The following CAMK2A variants were observed in gnomAD, a reference collection of about 807,000 sequenced individuals.
CAMK2A encodes calcium/calmodulin dependent protein kinase II alpha.
A neutral mutation model predicts 79.2 loss-of-function variants in CAMK2A; 7 were observed. That is an observed-to-expected ratio of 0.09 (90% CI 0.05 to 0.17). The LOEUF is 0.17. Among genes scored for constraint, CAMK2A ranks in the 10% least tolerant of loss-of-function variants. The probability of loss-of-function intolerance (pLI) is 1.00; values close to 1 mark genes in which losing one functional copy is unlikely to be tolerated. For missense variants in CAMK2A, 214 were observed against 646.4 expected (o/e 0.33, Z 7.25); for synonymous variants, 242 against 251.7 (o/e 0.96, Z 0.36).
chr5:150,241,258 G>T (rs937938582), intron 13 of CAMK2A, among the ~76,000 whole-genome samples: 2 of 152,156 alleles, frequency 1.3e-5, no homozygotes, highest in African/African-American at 2.4e-5. Flanking sequence ...AGCTGGGCTG[G>T]ATGGTGTGGC....
At chr5:150,234,835 T>C (rs1013691970) in intron 15 of CAMK2A, among the ~76,000 whole-genome samples, 5 of 152,114 alleles carry the variant, frequency 3.3e-5, no homozygotes, top group African/African-American at 1.2e-4. Context: ...TTCACTTCCT[T>C]CTCCTTTCAA....
chr5:150,237,536 C>T (rs1280913785), intron 15 of CAMK2A, among the ~76,000 whole-genome samples: 1 of 152,036 alleles, frequency 6.6e-6, no homozygotes, highest in Admixed American at 6.6e-5. Flanking sequence ...CTCCAAGCTC[C>T]AAGGGCACTT....
rs1445429184 is a variant in CAMK2A at position 150,289,720 on chromosome 5, C to G, written c.-95G>C. 1 of 979,962 alleles carries G rather than the reference C, an allele frequency of 1.0e-6. No individual in the cohort carries two copies. Among genetic ancestry groups the G allele is most frequent in the Non-Finnish European group, 1.6e-6 (1 of 635,140 alleles). The allele number at this position is 979,962 out of a possible 1,614,324, so 60.7% of individuals were successfully genotyped here. A position where few individuals can be genotyped will look rare whatever the true frequency, so the allele number is the denominator to read the frequency against. On this transcript the variant is annotated 5_prime_UTR_variant, in exon 1 of 19. Coordinates refer to ENST00000671881, the MANE Select transcript of CAMK2A (RefSeq NM_015981.4). ...CGAACCTAGGGACCACTTGCCTGCCCGTGCTGCCGAGTGCAAACAGAGAAC... is the reference window on the plus strand; with the variant it reads ...CGAACCTAGGGACCACTTGCCTGCCGGTGCTGCCGAGTGCAAACAGAGAAC...
At chr5:150,253,603 C>T in intron 6 of CAMK2A, 57 bp from the exon 7 acceptor site, 1 of 1,427,932 alleles carries the variant, frequency 7.0e-7, no homozygotes, top group Non-Finnish European at 9.9e-7. Context: ...AGACAGTCAG[C>T]AGATTCAGAG....
intron 13 of CAMK2A, 127 bp downstream of exon 13, chr5:150,245,034 A>C: frequency 2.2e-6 from 2 of 897,288 alleles, no homozygotes; most frequent in Non-Finnish European, 3.5e-6. Context: ...CCTGGCCACA[A>C]ATGTGGCCCA....
rs371977263 is a variant in CAMK2A at position 150,269,896 on chromosome 5, C to T, written c.157+3169G>A. ...TCCTTGCAGGGAACTGAATGACACTCTAGTGCAGGCTGGATGAGCTTGTCA... is the reference window on the plus strand; with the variant it reads ...TCCTTGCAGGGAACTGAATGACACTTTAGTGCAGGCTGGATGAGCTTGTCA... On this transcript the variant is annotated intron_variant, in intron 2 of 18. Transcript: ENST00000671881. Among the ~76,000 whole-genome samples, 79 of 152,326 alleles carry T rather than the reference C, an allele frequency of 5.2e-4. 1 individual carries two copies. Among genetic ancestry groups the T allele is most frequent in the African/African-American group, 1.9e-3 (77 of 41,572 alleles).
At chr5:150,239,004 C>T (rs115373868) in intron 14 of CAMK2A, among the ~76,000 whole-genome samples, 3 of 152,070 alleles carry the variant, frequency 2.0e-5, no homozygotes, top group South Asian at 2.1e-4. Flanking sequence ...GACTGAGGGG[C>T]GTCCTGGGTC....
At chr5:150,248,526 C>T (rs1755683557) in intron 11 of CAMK2A, among the ~76,000 whole-genome samples, 1 of 140,940 alleles carries the variant, frequency 7.1e-6, no homozygotes. Flanking sequence ...TGATGTTCCC[C>T]TTCCTGTGTC....
rs1754303809 is a variant in CAMK2A, at chr5:150,221,443, G to A, written c.*1267C>T. The A allele has an allele frequency of 2.5e-6, 1 of 398,716 alleles. No individual in the cohort carries two copies. The highest frequency in any genetic ancestry group is 4.4e-6 in the Non-Finnish European group (1 of 226,078). 24.7% of individuals were successfully genotyped at this position (398,716 alleles called of 1,614,324 possible). ...CTCACGGGCCCCCCAGAGGTGGGTG[G>A]GGGGTGCTGGGGGCGGCACACAGAT... is the stretch of plus-strand genomic sequence containing the variant. On this transcript the variant is annotated 3_prime_UTR_variant, in exon 19 of 19. Coordinates refer to ENST00000671881, the MANE Select transcript of CAMK2A (RefSeq NM_015981.4).
At chr5:150,239,255 G>A (rs1755231918) in intron 14 of CAMK2A, among the ~76,000 whole-genome samples, 1 of 152,176 alleles carries the variant, frequency 6.6e-6, no homozygotes, top group African/African-American at 2.4e-5. Context: ...GGCAGGGCTG[G>A]TGGCTCCCCT....
chr5:150,255,895 G>A (rs566215000), intron 6 of CAMK2A, among the ~76,000 whole-genome samples: 2 of 152,300 alleles, frequency 1.3e-5, no homozygotes, highest in East Asian at 3.9e-4. Context: ...TTCCTGCTCT[G>A]CAAAATGGAG....
At chr5:150,272,858 G>A (rs1329924289) in intron 2 of CAMK2A, among the ~76,000 whole-genome samples, 1 of 151,818 alleles carries the variant, frequency 6.6e-6, no homozygotes, top group Non-Finnish European at 1.5e-5. Context: ...CTGTCTGGGC[G>A]AGTCTGTGCT....
intron 13 of CAMK2A, among the ~76,000 whole-genome samples, chr5:150,243,670 C>T (rs1411941492): frequency 2.0e-5 from 3 of 152,172 alleles, no homozygotes; most frequent in African/African-American, 7.2e-5. Context: ...GATAATAGTG[C>T]CTAGCATCTC....
chr5:150,281,290 C>G, intron 1 of CAMK2A, among the ~76,000 whole-genome samples: 1 of 152,236 alleles, frequency 6.6e-6, no homozygotes, highest in South Asian at 2.1e-4. Flanking sequence ...GATCTGTTAC[C>G]TGTAAGAGAA....
At position 150,239,691 on chromosome 5, in the gene CAMK2A, G is replaced by A. The variant is rs186392278; in HGVS notation, c.1017+13C>T. 3.0e-5 allele frequency: 49 copies of A among 1,613,342 alleles called. No homozygotes were observed. The East Asian group carries it at 8.9e-4, about 29-fold the overall frequency. ...CCAGCATTTACCGGCGTTAGGAGAC[G>A]GCAGACACTCACCATTAACTGAACG... On this transcript the variant is annotated intron_variant, in intron 14 of 18. Coordinates refer to ENST00000671881, the MANE Select transcript of CAMK2A (RefSeq NM_015981.4).
At chr5:150,236,231 T>C (rs1185309263) in intron 15 of CAMK2A, among the ~76,000 whole-genome samples, 1 of 152,232 alleles carries the variant, frequency 6.6e-6, no homozygotes, top group Non-Finnish European at 1.5e-5. Flanking sequence ...GCTCCTAATT[T>C]ACATTAATAG....
At chr5:150,224,491 TC>T (rs930585688) in intron 17 of CAMK2A, among the ~76,000 whole-genome samples, 3 of 152,154 alleles carry the variant, frequency 2.0e-5, no homozygotes, top group African/African-American at 7.2e-5. Context: ...TCTTTTTTTT[TC>T]AGGATTGCAG....
Position 150,261,938 on chromosome 5 carries a change from C to A in CAMK2A, c.217+3018G>T, listed in dbSNP as rs193228145. ...AGATATTGTCAACTTCATCACTGAC[C>A]TACCATACTTCCCTTCCCCACCACA... On this transcript the variant is annotated intron_variant, in intron 3 of 18. Transcript: ENST00000671881. Among the ~76,000 whole-genome samples the A allele has an allele frequency of 2.0e-5, 3 of 152,322 alleles. No homozygotes were observed. In the East Asian group the frequency reaches 5.8e-4, roughly 29 times the overall value.
Position 150,250,662 on chromosome 5 carries a change from G to C in CAMK2A, c.816+26C>G, listed in dbSNP as rs775112332. ...TCATGAGGTCTGGAGGGGCTCCTGG[G>C]AGAAGTCCTGCTGAGGAAGGCTCAC... On this transcript the variant is annotated intron_variant, in intron 10 of 18. Transcript: ENST00000671881. 3 of 1,613,408 alleles carry C rather than the reference G, an allele frequency of 1.9e-6. No homozygotes were observed. The African/African-American group carries it at 4.0e-5, about 22-fold the overall frequency.
Sources: allele counts gnomAD v4.1 joint callset (sites outside exome capture counted in the v4.1 genomes callset), GRCh38; gene constraint gnomAD v4.1.1; transcripts MANE v1.5; gene names NCBI Gene and HGNC (gene_info 2026-07-23, HGNC 2026-07-21).